The following RABGAP1L variants were observed in gnomAD, a reference collection of about 807,000 sequenced individuals.
The protein encoded by RABGAP1L is RAB GTPase activating protein 1 like, also known as rab GTPase-activating protein 1-like.
In RABGAP1L, 63 loss-of-function variants were observed where a neutral mutation model predicts 137.7. The observed-to-expected ratio is 0.46, with a 90% CI of 0.37 to 0.56. RABGAP1L has a LOEUF of 0.56. RABGAP1L is among the 20% of genes least tolerant of loss of function. The pLI is 0.00. For synonymous variants in RABGAP1L, 431 were observed against 433.7 expected, an observed-to-expected ratio of 0.99 and a Z score of 0.08; for missense variants, 1,095 against 1,244.0, an observed-to-expected ratio of 0.88 and a Z score of 1.80.
At chr1:174,414,439 G>A (rs932674692) in intron 13 of RABGAP1L, among the ~76,000 whole-genome samples, 1 of 152,008 alleles carries the variant, frequency 6.6e-6, no homozygotes, top group Non-Finnish European at 1.5e-5. Flanking sequence ...TAAATTGACA[G>A]GATAGTAGGC....
intron 18 of RABGAP1L, among the ~76,000 whole-genome samples, chr1:174,759,264 C>G (rs543789641): frequency 7.1e-6 from 1 of 141,738 alleles, no homozygotes; most frequent in Non-Finnish European, 1.5e-5. Flanking sequence ...AAGAAACATT[C>G]GAGGCTGGGT....
chr1:174,648,848 GGTC>G (rs1267970526), intron 14 of RABGAP1L, among the ~76,000 whole-genome samples: 2 of 152,126 alleles, frequency 1.3e-5, no homozygotes, highest in African/African-American at 4.8e-5. Context: ...TCTCTTTGTA[GGTC>G]TCTAAGAACT....
At position 174,851,088 on chromosome 1, in the gene RABGAP1L, A is replaced by T. The variant is rs149156860; in HGVS notation, c.2340+39128A>T. Among the ~76,000 whole-genome samples the T allele has an allele frequency of 5.1e-4, 78 of 152,314 alleles. No homozygotes were observed. The East Asian group carries it at 0.014, about 28-fold the overall frequency. ...AGAGTCCAGCCCAACAGGCATCTTGATTTCAGCTTTGTGATACCCTGAGCA... is the reference window on the plus strand; with the variant it reads ...AGAGTCCAGCCCAACAGGCATCTTGTTTTCAGCTTTGTGATACCCTGAGCA... On this transcript the variant is annotated intron_variant, in intron 19 of 25. Coordinates refer to ENST00000681986, the MANE Select transcript of RABGAP1L (RefSeq NM_001366446.1).
chr1:174,742,628 A>C (rs952578316), intron 17 of RABGAP1L, among the ~76,000 whole-genome samples: 5 of 152,220 alleles, frequency 3.3e-5, no homozygotes, highest in African/African-American at 9.6e-5. Context: ...GGAGAAGGTC[A>C]AGATCAGCTA....
At chr1:174,907,359 C>T (rs2149181308) in intron 19 of RABGAP1L, among the ~76,000 whole-genome samples, 1 of 152,222 alleles carries the variant, frequency 6.6e-6, no homozygotes, top group East Asian at 1.9e-4. Context: ...GTCACCCAGA[C>T]TGGACTGCAG....
chr1:174,171,536 A>G (rs1665381646), intron 1 of RABGAP1L, among the ~76,000 whole-genome samples: 2 of 152,098 alleles, frequency 1.3e-5, no homozygotes, highest in Admixed American at 1.3e-4. Flanking sequence ...TATACTATAC[A>G]ATATGAATAA....
At chr1:174,423,232 A>G (rs1651554634) in intron 13 of RABGAP1L, among the ~76,000 whole-genome samples, 1 of 152,154 alleles carries the variant, frequency 6.6e-6, no homozygotes, top group Non-Finnish European at 1.5e-5. Context: ...CATTTTTTTA[A>G]TATTGCACTA....
At chr1:174,255,629 A>G (rs1018170552) in intron 7 of RABGAP1L, among the ~76,000 whole-genome samples, 3 of 152,158 alleles carry the variant, frequency 2.0e-5, no homozygotes, top group African/African-American at 7.2e-5. Flanking sequence ...GGTTCCAGCT[A>G]TTCTCCTGCC....
At chr1:174,597,782 C>G (rs1670080806) in intron 13 of RABGAP1L, among the ~76,000 whole-genome samples, 1 of 152,136 alleles carries the variant, frequency 6.6e-6, no homozygotes, top group South Asian at 2.1e-4. Context: ...AATGTAGGCA[C>G]TTACTGGTAT....
At chr1:174,450,753 C>T (rs969573720) in intron 13 of RABGAP1L, among the ~76,000 whole-genome samples, 1 of 151,980 alleles carries the variant, frequency 6.6e-6, no homozygotes, top group African/African-American at 2.4e-5. Context: ...ACTTTTTTAC[C>T]ATAAGTTTCT....
intron 19 of RABGAP1L, among the ~76,000 whole-genome samples, chr1:174,944,113 G>A (rs184426610): frequency 6.6e-6 from 1 of 151,086 alleles, no homozygotes; most frequent in Non-Finnish European, 1.5e-5. Context: ...TCTACTAAAA[G>A]TATAAAAAAA....
intron 19 of RABGAP1L, among the ~76,000 whole-genome samples, chr1:174,921,948 C>G (rs1661884667): frequency 6.6e-6 from 1 of 152,164 alleles, no homozygotes; most frequent in Admixed American, 6.5e-5. Flanking sequence ...TGTACAGTTT[C>G]CCTCTAAACT....
intron 1 of RABGAP1L, among the ~76,000 whole-genome samples, chr1:174,205,081 C>T (rs967177144): frequency 5.3e-5 from 8 of 152,062 alleles, no homozygotes; most frequent in African/African-American, 1.9e-4. Context: ...GTCTTTAGTT[C>T]TGTTTTTGTG....
chr1:174,720,290 T>TAGATAGATAGATAGACAGAC (rs368112419), intron 17 of RABGAP1L, among the ~76,000 whole-genome samples: 20 of 141,736 alleles, frequency 1.4e-4, no homozygotes, highest in Middle Eastern at 3.5e-3. Flanking sequence ...GATAGATAGA[T>TAGATAGATAGATAGACAGAC]AGACAGACAG....
chr1:174,548,313 A>G, intron 13 of RABGAP1L: 3 of 1,220,130 alleles, frequency 2.5e-6, no homozygotes, highest in Non-Finnish European at 3.1e-6. Context: ...TAATTTATCC[A>G]TTTGTAAAAT....
chr1:174,489,679 G>A (rs986688165), intron 13 of RABGAP1L, among the ~76,000 whole-genome samples: 2 of 152,112 alleles, frequency 1.3e-5, no homozygotes, highest in Non-Finnish European at 2.9e-5. Flanking sequence ...CCATTACTGG[G>A]TATATACCCA....
At chr1:174,512,691 T>A (rs74126820) in intron 13 of RABGAP1L, among the ~76,000 whole-genome samples, 5,289 of 152,232 alleles carry the variant, frequency 0.035, 123 homozygotes, top group Middle Eastern at 0.088. Context: ...TTCAGAATAG[T>A]GTAGCCAGGT....
At chr1:174,604,030 A>T (rs1471770764) in intron 13 of RABGAP1L, among the ~76,000 whole-genome samples, 1 of 151,850 alleles carries the variant, frequency 6.6e-6, no homozygotes. Flanking sequence ...GAGCTGACAC[A>T]AGTACTCCTG....
rs1047209693 is a variant in RABGAP1L, at chr1:174,163,554, C to A, written c.-34+3897C>A. 1.5e-4 allele frequency among the ~76,000 whole-genome samples: 22 copies of A among 151,372 alleles called. 1 individual carries two copies. Among genetic ancestry groups the A allele is most frequent in the Admixed American group, 1.4e-3 (21 of 15,198 alleles). On this transcript the variant is annotated intron_variant, in intron 1 of 25. Transcript: ENST00000681986. ...TATTAGTATACTTGAAATTCTGAGC[C>A]TTCTTATTTTCTAAATAGCTTTTAA... is the stretch of plus-strand genomic sequence containing the variant.
Sources: allele counts gnomAD v4.1 joint callset (sites outside exome capture counted in the v4.1 genomes callset), GRCh38; gene constraint gnomAD v4.1.1; transcripts MANE v1.5; gene names NCBI Gene and HGNC (gene_info 2026-07-23, HGNC 2026-07-21).